RAB27A: variants seen among roughly 807,000 people sequenced by gnomAD.
The protein encoded by RAB27A is ras-related protein Rab-27A.
A neutral mutation model predicts 20.8 loss-of-function variants in RAB27A; 17 were observed. The observed-to-expected ratio is 0.82, with a 90% CI of 0.56 to 1.23. The LOEUF (loss-of-function observed/expected upper bound fraction) is 1.23. RAB27A is among the 50% of genes most tolerant of loss of function. The pLI, the probability that RAB27A is intolerant of heterozygous loss-of-function variation, is 0.00. For missense variants in RAB27A, 277 were observed against 266.7 expected, an observed-to-expected ratio of 1.04 and a Z score of -0.27; for synonymous variants, 85 against 92.8, an observed-to-expected ratio of 0.92 and a Z score of 0.48.
At chr15:55,302,490 C>T (rs1419206127) in intron 2 of RAB27A, among the ~76,000 whole-genome samples, 1 of 152,054 alleles carries the variant, frequency 6.6e-6, no homozygotes, top group African/African-American at 2.4e-5. Flanking sequence ...TCTGCCCGGC[C>T]GCCACCCCGT....
At chr15:55,294,996 AAG>A (rs2054942625) in intron 2 of RAB27A, among the ~76,000 whole-genome samples, 1 of 152,212 alleles carries the variant, frequency 6.6e-6, no homozygotes, top group Non-Finnish European at 1.5e-5. Flanking sequence ...CAACAACAAA[AAG>A]ACATAATCCA....
At chr15:55,272,021 A>G (rs1264658724) in intron 1 of RAB27A, among the ~76,000 whole-genome samples, 1 of 152,202 alleles carries the variant, frequency 6.6e-6, no homozygotes, top group Non-Finnish European at 1.5e-5. Flanking sequence ...TTTTGAGAAC[A>G]ATTTAGTAAG....
intron 2 of RAB27A, among the ~76,000 whole-genome samples, chr15:55,250,876 T>C (rs1360714926): frequency 5.3e-5 from 8 of 152,182 alleles, no homozygotes; most frequent in Non-Finnish European, 1.0e-4. Flanking sequence ...GCAATAAAAC[T>C]GTTTCTTCAA....
At chr15:55,303,462 C>T (rs1337703837) in intron 2 of RAB27A, among the ~76,000 whole-genome samples, 3 of 54,322 alleles carry the variant, frequency 5.5e-5, no homozygotes, top group Admixed American at 1.5e-4. Context: ...CCCGGCCAGC[C>T]GCCCCGTCTG....
In RAB27A at chr15:55,244,385, C is replaced by T. The variant is rs574763985; in HGVS notation, c.-22-9429G>A. Among the ~76,000 whole-genome samples the T allele has an allele frequency of 4.0e-4, 61 of 152,140 alleles. 1 individual carries two copies. Among genetic ancestry groups the T allele is most frequent in the Admixed American group, 5.2e-4 (8 of 15,256 alleles). ...GCTCAGTAGAGAAGAAAGAGACAGCCTCAACCTCCTGGGCTCATGTGATCC... is the reference window on the plus strand; with the variant it reads ...GCTCAGTAGAGAAGAAAGAGACAGCTTCAACCTCCTGGGCTCATGTGATCC... On this transcript the variant is annotated intron_variant, in intron 2 of 6. Transcript: ENST00000336787.
chr15:55,246,391 C>G (rs1595711997), intron 2 of RAB27A, among the ~76,000 whole-genome samples: 1 of 150,952 alleles, frequency 6.6e-6, no homozygotes, highest in East Asian at 2.0e-4. Context: ...TCTGGAAGAC[C>G]AATGTCAATA....
intron 2 of RAB27A, among the ~76,000 whole-genome samples, chr15:55,263,521 T>C (rs905918440): frequency 1.3e-5 from 2 of 152,354 alleles, no homozygotes; most frequent in South Asian, 2.1e-4. Context: ...CACAGTACTA[T>C]ATTTAATTTT....
chr15:55,262,277 C>T (rs571510991), intron 2 of RAB27A, among the ~76,000 whole-genome samples: 14 of 152,178 alleles, frequency 9.2e-5, no homozygotes, highest in African/African-American at 3.4e-4. Context: ...CGCGGTGGCT[C>T]ATGCATGTAA....
At chr15:55,230,555 G>C in intron 3 of RAB27A, 69 bp from the exon 4 acceptor site, 2 of 1,305,222 alleles carry the variant, frequency 1.5e-6, no homozygotes, top group African/African-American at 1.4e-5. Flanking sequence ...TCACCTTTTT[G>C]TTCAGTACAA....
intron 5 of RAB27A, among the ~76,000 whole-genome samples, chr15:55,228,010 G>A (rs184072071): frequency 6.6e-6 from 1 of 152,296 alleles, no homozygotes; most frequent in African/African-American, 2.4e-5. Flanking sequence ...AATCATTTAG[G>A]AGGTTAAAAT....
chr15:55,287,986 A>T (rs74761253), intron 1 of RAB27A, among the ~76,000 whole-genome samples: 4,715 of 152,326 alleles, frequency 0.031, 83 homozygotes, highest in Non-Finnish European at 0.041. Context: ...TGCCAAAACT[A>T]TTCAAAGAGG....
intron 2 of RAB27A, among the ~76,000 whole-genome samples, chr15:55,304,009 G>A (rs1319665082): frequency 1.3e-5 from 2 of 151,566 alleles, no homozygotes; most frequent in Admixed American, 6.6e-5. Flanking sequence ...TGGCGGCTTT[G>A]TGGAATAGAA....
intron 2 of RAB27A, among the ~76,000 whole-genome samples, chr15:55,262,734 G>A (rs1897321393): frequency 6.6e-6 from 1 of 151,254 alleles, no homozygotes; most frequent in African/African-American, 2.4e-5. Flanking sequence ...CCAGGCTCAG[G>A]TGACTGTCCC....
chr15:55,245,259 T>C (rs941579770), intron 2 of RAB27A, among the ~76,000 whole-genome samples: 2 of 152,184 alleles, frequency 1.3e-5, no homozygotes, highest in African/African-American at 4.8e-5. Flanking sequence ...TCCGTGCAGT[T>C]TACTCATCTC....
intron 2 of RAB27A, among the ~76,000 whole-genome samples, chr15:55,305,397 G>C (rs2054992657): frequency 6.6e-6 from 1 of 152,212 alleles, no homozygotes; most frequent in South Asian, 2.1e-4. Context: ...GTAGATCTTA[G>C]TCATGGACTG....
Position 55,253,994 on chromosome 15 carries a change from A to T in RAB27A, c.-23+16171T>A, listed in dbSNP as rs78879336. The stretch of plus-strand genomic sequence containing the variant: ...AGGGGAAATCACAAAAACAAGTAAC[A>T]GTACACTTAATTTTTTAAATGAGGT... On this transcript the variant is annotated intron_variant, in intron 2 of 6. Coordinates refer to ENST00000336787, the MANE Select transcript of RAB27A (RefSeq NM_183235.3). 1.3e-4 allele frequency among the ~76,000 whole-genome samples: 20 copies of T among 152,306 alleles called. No homozygotes were observed. In the East Asian group the frequency reaches 3.7e-3, roughly 28 times the overall value.
At chr15:55,282,630 C>T (rs1248020923) in intron 1 of RAB27A, among the ~76,000 whole-genome samples, 1 of 152,152 alleles carries the variant, frequency 6.6e-6, no homozygotes, top group East Asian at 1.9e-4. Context: ...CAGCTGCGAG[C>T]TTATCGTGCA....
chr15:55,292,547 A>G (rs1316266173), upstream of RAB27A, among the ~76,000 whole-genome samples: 1 of 152,194 alleles, frequency 6.6e-6, no homozygotes, highest in Non-Finnish European at 1.5e-5. Context: ...GAGGACTGGG[A>G]TGTAGGGGTG....
intron 2 of RAB27A, among the ~76,000 whole-genome samples, chr15:55,311,520 A>G (rs1048041035): frequency 1.3e-5 from 2 of 151,976 alleles, no homozygotes; most frequent in African/African-American, 4.8e-5. Context: ...TGGGGTAGGG[A>G]GGTAGACTCT....
Sources: gnomAD v4.1 joint callset for allele counts (sites outside exome capture counted in the v4.1 genomes callset) on GRCh38, gnomAD v4.1.1 for gene constraint, MANE v1.5 for transcripts, NCBI Gene and HGNC (gene_info 2026-07-23, HGNC 2026-07-21) for gene names.